The following TPRG1 variants were observed in gnomAD, a reference collection of about 807,000 sequenced individuals.
The protein encoded by TPRG1 is tumor protein p63 regulated 1, also known as tumor protein p63-regulated gene 1 protein.
Under a neutral mutation model 29.3 loss-of-function variants are expected in TPRG1, and 29 were observed. The ratio of observed to expected loss-of-function variants is 0.99; its 90% CI spans 0.74 to 1.35. The LOEUF (loss-of-function observed/expected upper bound fraction) is 1.35. TPRG1 is among the 40% of genes most tolerant of loss of function. The pLI is 0.00. For synonymous variants in TPRG1, 130 were observed against 116.8 expected (o/e 1.11, Z -0.73); for missense variants, 327 against 335.0 (o/e 0.98, Z 0.19).
rs143321100 is a variant in TPRG1 at position 189,182,810 on chromosome 3, T to C, written c.-10+10679T>C. ...ATTTATTTCCAGCTTTATTGAGGTA[T>C]AATTGACAAATAATAATTATATATC... On this transcript the variant is annotated intron_variant, in intron 1 of 5. Transcript: ENST00000345063. 1.4e-3 allele frequency among the ~76,000 whole-genome samples: 206 copies of C among 152,320 alleles called. 2 individuals are homozygous for C. In the South Asian group the frequency reaches 0.018, roughly 13 times the overall value.
chr3:189,224,347 G>T (rs559058305), intron 3 of TPRG1, among the ~76,000 whole-genome samples: 222 of 152,304 alleles, frequency 1.5e-3, no homozygotes, highest in African/African-American at 5.1e-3. Context: ...CAGGCGTGGT[G>T]ACGTGGCCTG....
At chr3:189,276,974 G>T (rs754493027) in intron 4 of TPRG1, among the ~76,000 whole-genome samples, 2 of 151,934 alleles carry the variant, frequency 1.3e-5, no homozygotes, top group African/African-American at 2.4e-5. Flanking sequence ...AATCATAGTA[G>T]CCTCCTCTCT....
intron 3 of TPRG1, among the ~76,000 whole-genome samples, chr3:189,225,220 C>T (rs1200550219): frequency 6.6e-6 from 1 of 152,230 alleles, no homozygotes; most frequent in Non-Finnish European, 1.5e-5. Flanking sequence ...CGTGAGCCAT[C>T]ACGCCCTGCC....
At chr3:189,206,833 G>A (rs78665557) in intron 1 of TPRG1, among the ~76,000 whole-genome samples, 6,365 of 151,700 alleles carry the variant, frequency 0.042, 328 homozygotes, top group African/African-American at 0.12. Flanking sequence ...GTGTGTGCAC[G>A]CGTGTATGCA....
At chr3:189,006,294 T>C (rs1268594735) in intron 3 of TPRG1, among the ~76,000 whole-genome samples, 1 of 152,026 alleles carries the variant, frequency 6.6e-6, no homozygotes, top group African/African-American at 2.4e-5. Context: ...GCTCTACTTA[T>C]CTCCCAGGAG....
chr3:189,297,393 T>C (rs890308614), intron 4 of TPRG1, among the ~76,000 whole-genome samples: 1 of 152,144 alleles, frequency 6.6e-6, no homozygotes, highest in African/African-American at 2.4e-5. Context: ...AGATGACCCT[T>C]CTTTTGATCC....
intron 1 of TPRG1, among the ~76,000 whole-genome samples, chr3:189,106,672 A>G (rs1321685383): frequency 6.6e-6 from 1 of 152,136 alleles, no homozygotes; most frequent in Non-Finnish European, 1.5e-5. Context: ...TGACTATTAC[A>G]TTTGTAATAA....
intron 3 of TPRG1, among the ~76,000 whole-genome samples, chr3:189,011,673 A>T (rs1712609132): frequency 6.6e-6 from 1 of 152,136 alleles, no homozygotes; most frequent in Non-Finnish European, 1.5e-5. Context: ...ATCATCTCCC[A>T]CTGGGTCCAT....
intron 1 of TPRG1, among the ~76,000 whole-genome samples, chr3:189,125,878 ATATT>A (rs1475911035): frequency 7.2e-5 from 10 of 139,252 alleles, no homozygotes; most frequent in Non-Finnish European, 1.1e-4. Context: ...TGTGTTTGGT[ATATT>A]TAGTTTTATT....
At chr3:189,152,077 A>G (rs1479943059) in intron 5 of TPRG1, among the ~76,000 whole-genome samples, 1 of 152,050 alleles carries the variant, frequency 6.6e-6, no homozygotes, top group African/African-American at 2.4e-5. Context: ...TGCTCTAGGG[A>G]CTGCAGGAGC....
chr3:189,243,053 T>C (rs1257196095), intron 4 of TPRG1, among the ~76,000 whole-genome samples: 1 of 152,182 alleles, frequency 6.6e-6, no homozygotes, highest in African/African-American at 2.4e-5. Context: ...TATTCTCTCA[T>C]TGGTATAAAG....
chr3:189,047,273 G>T (rs1353012925), intron 4 of TPRG1, among the ~76,000 whole-genome samples: 6 of 152,000 alleles, frequency 3.9e-5, no homozygotes, highest in Non-Finnish European at 8.8e-5. Flanking sequence ...ATAATTTTTT[G>T]GTTTTCCAGT....
chr3:189,080,993 G>C (rs927729244), intron 4 of TPRG1, among the ~76,000 whole-genome samples: 1 of 152,084 alleles, frequency 6.6e-6, no homozygotes, highest in Non-Finnish European at 1.5e-5. Flanking sequence ...GTCTTGTCAA[G>C]GGATTGGCAG....
chr3:189,044,099 T>A (rs1360424557), intron 4 of TPRG1, among the ~76,000 whole-genome samples: 1 of 152,100 alleles, frequency 6.6e-6, no homozygotes, highest in Non-Finnish European at 1.5e-5. Flanking sequence ...ATATAAAAAT[T>A]ACTCTCTCAA....
chr3:189,004,297 A>C (rs563396927), intron 2 of TPRG1, among the ~76,000 whole-genome samples: 5 of 152,138 alleles, frequency 3.3e-5, no homozygotes, highest in Non-Finnish European at 7.4e-5. Context: ...ACAGATGTAC[A>C]CTAAAAATCT....
At chr3:189,146,861 A>C (rs535766529) in intron 3 of TPRG1, among the ~76,000 whole-genome samples, 1 of 152,348 alleles carries the variant, frequency 6.6e-6, no homozygotes, top group Non-Finnish European at 1.5e-5. Context: ...TAACACCAAG[A>C]ATCATTTCTA....
chr3:189,263,320 T>C lies in TPRG1; in HGVS notation c.479+24411T>C, dbSNP rs866228306. Among the ~76,000 whole-genome samples, 92 of 152,046 alleles carry C rather than the reference T, an allele frequency of 6.1e-4. 3 individuals are homozygous for C. The highest frequency in any genetic ancestry group is 3.4e-3 in the Middle Eastern group (1 of 294). ...GTAGGAGTTAAGGAGATGAAGGGGTTTATGGGGTGAATGTTTCAGGGAGAG... is the reference window on the plus strand; with the variant it reads ...GTAGGAGTTAAGGAGATGAAGGGGTCTATGGGGTGAATGTTTCAGGGAGAG... On this transcript the variant is annotated intron_variant, in intron 4 of 5. Coordinates refer to ENST00000345063, the MANE Select transcript of TPRG1 (RefSeq NM_198485.4).
chr3:189,020,210 G>GT (rs1159427633), intron 3 of TPRG1, among the ~76,000 whole-genome samples: 3 of 149,774 alleles, frequency 2.0e-5, no homozygotes, highest in East Asian at 2.0e-4. Context: ...TTTTTGAAGG[G>GT]TTTTTTGTGT....
chr3:189,211,454 T>C (rs1735248351), intron 2 of TPRG1, among the ~76,000 whole-genome samples: 1 of 152,112 alleles, frequency 6.6e-6, no homozygotes, highest in African/African-American at 2.4e-5. Context: ...GACCAACAAG[T>C]CAATTTTAGC....
Sources: gnomAD v4.1 joint callset for allele counts (sites outside exome capture counted in the v4.1 genomes callset) on GRCh38, gnomAD v4.1.1 for gene constraint, MANE v1.5 for transcripts, NCBI Gene and HGNC (gene_info 2026-07-23, HGNC 2026-07-21) for gene names.